The following ADAM32 variants were observed in gnomAD, a reference collection of about 807,000 sequenced individuals.
The protein encoded by ADAM32 is disintegrin and metalloproteinase domain-containing protein 32.
ADAM32 carries 89 observed loss-of-function variants against 114.9 expected under a neutral mutation model. The ratio of observed to expected loss-of-function variants is 0.77; its 90% CI spans 0.65 to 0.92. The LOEUF (loss-of-function observed/expected upper bound fraction) is 0.92, where lower values mean the gene tolerates loss of function less well. Ranked by LOEUF, ADAM32 falls within the 40% of genes least tolerant of loss-of-function variation. The pLI, the probability that ADAM32 is intolerant of heterozygous loss-of-function variation, is 0.00. For missense variants in ADAM32, 870 were observed against 932.8 expected, an observed-to-expected ratio of 0.93 and a Z score of 0.88; for synonymous variants, 285 against 307.5, an observed-to-expected ratio of 0.93 and a Z score of 0.77.
At chr8:39,275,946 T>TTGTTC in intron 22 of ADAM32, 80 bp downstream of exon 22, 1 of 1,349,810 alleles carries the variant, frequency 7.4e-7, no homozygotes, top group Non-Finnish European at 1.0e-6. Flanking sequence ...AATTAACAAT[T>TTGTTC]ACTTGCTAAC....
At chr8:39,283,751 T>A in intron 24 of ADAM32, 127 bp downstream of exon 24, 1 of 514,966 alleles carries the variant, frequency 1.9e-6, no homozygotes. Context: ...CACCAATAAA[T>A]AACCTATCTT....
chr8:39,242,382 ATTAG>A (rs1171783618), intron 16 of ADAM32, among the ~76,000 whole-genome samples: 2 of 152,110 alleles, frequency 1.3e-5, no homozygotes, highest in African/African-American at 4.8e-5. Context: ...AATTTACTGT[ATTAG>A]TTTTTTTCAT....
chr8:39,222,715 C>T (rs763537256), intron 13 of ADAM32, among the ~76,000 whole-genome samples: 2 of 152,068 alleles, frequency 1.3e-5, no homozygotes, highest in African/African-American at 2.4e-5. Flanking sequence ...GACTAAATTA[C>T]ATTATTTTCA....
intron 2 of ADAM32, among the ~76,000 whole-genome samples, chr8:39,136,332 T>C (rs1469705278): frequency 6.6e-6 from 1 of 152,192 alleles, no homozygotes; most frequent in African/African-American, 2.4e-5. Flanking sequence ...TATCCTCTTA[T>C]CCCAATGATG....
intron 2 of ADAM32, among the ~76,000 whole-genome samples, chr8:39,131,818 C>T (rs568562563): frequency 3.8e-4 from 58 of 152,114 alleles, no homozygotes; most frequent in African/African-American, 1.3e-3. Context: ...TATATATTTC[C>T]ATTATTTTAT....
At chr8:39,254,640 A>T in intron 18 of ADAM32, 124 bp downstream of exon 18, 3 of 675,270 alleles carry the variant, frequency 4.4e-6, no homozygotes, top group Non-Finnish European at 6.9e-6. Flanking sequence ...GGTAATCAGA[A>T]TTCTCTCAAG....
chr8:39,273,604 A>C (rs911008675), intron 20 of ADAM32, among the ~76,000 whole-genome samples: 2 of 152,208 alleles, frequency 1.3e-5, no homozygotes, highest in African/African-American at 4.8e-5. Flanking sequence ...TATCATTATC[A>C]TGTATTTTGT....
chr8:39,151,586 T>C (rs768423695), intron 6 of ADAM32, 38 bp downstream of exon 6: 1 of 1,334,926 alleles, frequency 7.5e-7, no homozygotes, highest in East Asian at 2.6e-5. Context: ...TTTAAAGCAG[T>C]TATTACTTCC....
At chr8:39,120,225 A>G (rs1175235570) in intron 2 of ADAM32, among the ~76,000 whole-genome samples, 1 of 152,194 alleles carries the variant, frequency 6.6e-6, no homozygotes, top group Admixed American at 6.5e-5. Context: ...CTGCTGTAAC[A>G]AATACCTAAA....
chr8:39,232,350 T>C (rs1351584413), intron 15 of ADAM32, among the ~76,000 whole-genome samples: 1 of 152,134 alleles, frequency 6.6e-6, no homozygotes, highest in African/African-American at 2.4e-5. Flanking sequence ...GGCCATTATG[T>C]TTCTAAATCC....
intron 6 of ADAM32, among the ~76,000 whole-genome samples, chr8:39,152,720 C>CAAAAAAAAAAAAA (rs112877602): frequency 2.9e-5 from 4 of 136,854 alleles, no homozygotes; most frequent in African/African-American, 1.2e-4. Context: ...GACTCCATCT[C>CAAAAAAAAAAAAA]AAAAAAAAAA....
chr8:39,137,333 A>G (rs779431115), intron 3 of ADAM32, among the ~76,000 whole-genome samples: 27 of 152,320 alleles, frequency 1.8e-4, no homozygotes, highest in Middle Eastern at 3.4e-3. Context: ...GATTATGAGA[A>G]ACTAGAGGTA....
At chr8:39,215,669 T>G (rs1488785504) in intron 12 of ADAM32, among the ~76,000 whole-genome samples, 2 of 152,182 alleles carry the variant, frequency 1.3e-5, no homozygotes, top group Admixed American at 1.3e-4. Flanking sequence ...AGCATATTGT[T>G]TAATTTCCAT....
At chr8:39,144,974 T>A (rs187446201) in intron 3 of ADAM32, among the ~76,000 whole-genome samples, 2,234 of 152,286 alleles carry the variant, frequency 0.015, 23 homozygotes, top group Non-Finnish European at 0.023. Flanking sequence ...AGTGAAGTTG[T>A]GGGATATAAA....
At chr8:39,150,333 T>C (rs547191906) in intron 5 of ADAM32, among the ~76,000 whole-genome samples, 1 of 152,138 alleles carries the variant, frequency 6.6e-6, no homozygotes, top group Non-Finnish European at 1.5e-5. Flanking sequence ...TTTTATCTTC[T>C]CAGAGTCATC....
intron 2 of ADAM32, among the ~76,000 whole-genome samples, chr8:39,131,102 G>GC (rs1052176703): frequency 2.0e-5 from 3 of 151,564 alleles, no homozygotes; most frequent in Admixed American, 6.6e-5. Context: ...GACTACAGGC[G>GC]CCCGCCACCA....
intron 12 of ADAM32, among the ~76,000 whole-genome samples, chr8:39,219,202 T>A (rs866670021): frequency 1.3e-5 from 2 of 152,140 alleles, no homozygotes; most frequent in South Asian, 2.1e-4. Context: ...TTTGGCGCTG[T>A]GCACTCTGCT....
At chr8:39,112,086 A>G (rs868634107) in intron 1 of ADAM32, among the ~76,000 whole-genome samples, 6 of 152,256 alleles carry the variant, frequency 3.9e-5, no homozygotes, top group Admixed American at 1.3e-4. Context: ...AAAAGAGGCT[A>G]CCCTATATGT....
intron 3 of ADAM32, among the ~76,000 whole-genome samples, chr8:39,145,357 A>G (rs1474983643): frequency 2.0e-5 from 3 of 152,224 alleles, no homozygotes; most frequent in Admixed American, 2.0e-4. Context: ...AAAAAGAACA[A>G]AGCTGGAGGC....
Sources: gnomAD v4.1 joint callset for allele counts (sites outside exome capture counted in the v4.1 genomes callset) on GRCh38, gnomAD v4.1.1 for gene constraint, MANE v1.5 for transcripts, NCBI Gene and HGNC (gene_info 2026-07-23, HGNC 2026-07-21) for gene names.